SHLD2: variants seen among roughly 807,000 people sequenced by gnomAD.
The protein encoded by SHLD2 is RINN1-REV7-interacting novel NHEJ regulator 2.
A neutral mutation model predicts 73.2 loss-of-function variants in SHLD2; 30 were observed. The observed-to-expected ratio is 0.41, with a 90% CI of 0.31 to 0.56. The LOEUF is 0.56. SHLD2 is among the 20% of genes least tolerant of loss of function. The pLI, the probability that SHLD2 is intolerant of heterozygous loss-of-function variation, is 0.28. For missense variants in SHLD2, 745 were observed against 1,055.9 expected (o/e 0.71, Z 4.08); for synonymous variants, 285 against 370.1 (o/e 0.77, Z 2.64).
At chr10:87,175,854 T>C in intron 6 of SHLD2, 35 bp from the exon 7 acceptor site, 2 of 1,545,034 alleles carry the variant, frequency 1.3e-6, no homozygotes, top group South Asian at 2.4e-5. Flanking sequence ...TTTTTTTCCT[T>C]TTTGGTGACT....
intron 2 of SHLD2, among the ~76,000 whole-genome samples, chr10:87,125,485 T>A (rs961812627): frequency 1.3e-5 from 2 of 152,242 alleles, no homozygotes; most frequent in Non-Finnish European, 2.9e-5. Flanking sequence ...CCTGTAATCC[T>A]AGCACTCTGG....
chr10:87,162,047 C>T (rs1564605932), intron 4 of SHLD2, among the ~76,000 whole-genome samples: 1 of 151,588 alleles, frequency 6.6e-6, no homozygotes, highest in Non-Finnish European at 1.5e-5. Context: ...GGTGCTGAGA[C>T]AACTGGGTAG....
intron 2 of SHLD2, among the ~76,000 whole-genome samples, chr10:87,116,737 T>C (rs1418221787): frequency 6.6e-6 from 1 of 152,082 alleles, no homozygotes; most frequent in Admixed American, 6.6e-5. Context: ...TTCACGGCTG[T>C]GGTATATATA....
At chr10:87,139,662 T>A (rs1290838475) in intron 2 of SHLD2, among the ~76,000 whole-genome samples, 1 of 152,220 alleles carries the variant, frequency 6.6e-6, no homozygotes, top group Non-Finnish European at 1.5e-5. Flanking sequence ...ACCCTGTCTC[T>A]ACTAAAAATA....
intron 3 of SHLD2, among the ~76,000 whole-genome samples, chr10:87,154,832 A>T (rs1014533363): frequency 6.6e-6 from 1 of 152,230 alleles, no homozygotes; most frequent in African/African-American, 2.4e-5. Context: ...TATTTAGAAG[A>T]AGAAAACTTC....
chr10:87,133,863 T>C (rs1343159479), intron 2 of SHLD2, among the ~76,000 whole-genome samples: 1 of 152,264 alleles, frequency 6.6e-6, no homozygotes, highest in African/African-American at 2.4e-5. Context: ...CTTAAACTTA[T>C]AATTTATAAA....
chr10:87,173,583 G>T (rs1847753831), intron 6 of SHLD2, among the ~76,000 whole-genome samples: 1 of 152,204 alleles, frequency 6.6e-6, no homozygotes, highest in Admixed American at 6.5e-5. Flanking sequence ...ATAAATTTCA[G>T]ATACATTAGA....
At chr10:87,160,490 T>C (rs1846725937) in intron 4 of SHLD2, among the ~76,000 whole-genome samples, 1 of 152,230 alleles carries the variant, frequency 6.6e-6, no homozygotes, top group East Asian at 1.9e-4. Flanking sequence ...AAATTTTTTT[T>C]CTTAAATAAA....
chr10:87,128,916 G>GT (rs1340088045), intron 2 of SHLD2, among the ~76,000 whole-genome samples: 1 of 151,726 alleles, frequency 6.6e-6, no homozygotes, highest in Non-Finnish European at 1.5e-5. Context: ...GTTTTTGTTT[G>GT]TTTTTTGAGA....
chr10:87,131,065 TCAAAAA>T (rs142909512), intron 2 of SHLD2, among the ~76,000 whole-genome samples: 1,835 of 152,090 alleles, frequency 0.012, 35 homozygotes, highest in African/African-American at 0.04. Context: ...AGACCCCATC[TCAAAAA>T]CAAAAACAAA....
At chr10:87,172,473 A>G (rs1847654942) in intron 6 of SHLD2, among the ~76,000 whole-genome samples, 1 of 152,138 alleles carries the variant, frequency 6.6e-6, no homozygotes, top group South Asian at 2.1e-4. Context: ...GGGTGAATAC[A>G]TAAAGATATT....
intron 8 of SHLD2, among the ~76,000 whole-genome samples, chr10:87,186,269 C>T (rs1389784614): frequency 6.6e-6 from 1 of 152,208 alleles, no homozygotes; most frequent in Non-Finnish European, 1.5e-5. Flanking sequence ...AGCTCTGTCA[C>T]ATTAAATTCC....
At chr10:87,156,627 G>A (rs1396617896) in intron 3 of SHLD2, among the ~76,000 whole-genome samples, 5 of 152,092 alleles carry the variant, frequency 3.3e-5, no homozygotes, top group Admixed American at 6.6e-5. Context: ...AGGCCAGGGC[G>A]GGCTACCCAT....
intron 2 of SHLD2, among the ~76,000 whole-genome samples, chr10:87,134,889 G>C (rs1844692004): frequency 6.6e-6 from 1 of 152,150 alleles, no homozygotes; most frequent in African/African-American, 2.4e-5. Flanking sequence ...GGCTGGAGAG[G>C]AGGAGCAGGG....
intron 2 of SHLD2, among the ~76,000 whole-genome samples, chr10:87,106,766 G>A (rs1233564923): frequency 1.3e-5 from 2 of 152,176 alleles, no homozygotes; most frequent in African/African-American, 4.8e-5. Context: ...TATCATCAAT[G>A]TAACACATAG....
intron 2 of SHLD2, among the ~76,000 whole-genome samples, chr10:87,112,135 G>A (rs543063191): frequency 1.0e-3 from 159 of 151,464 alleles, no homozygotes; most frequent in Non-Finnish European, 1.9e-3. Context: ...CTACTCGGGA[G>A]GCTGAGGCAG....
chr10:87,139,231 T>C (rs2134211805), intron 2 of SHLD2, among the ~76,000 whole-genome samples: 1 of 151,938 alleles, frequency 6.6e-6, no homozygotes, highest in African/African-American at 2.4e-5. Context: ...AAATTAGCTA[T>C]AGACTAAAGG....
chr10:87,143,233 G>A (rs537718764), intron 2 of SHLD2, among the ~76,000 whole-genome samples: 12 of 152,178 alleles, frequency 7.9e-5, no homozygotes, highest in African/African-American at 2.6e-4. Flanking sequence ...GCCACTATGC[G>A]TGGCCAAATT....
chr10:87,096,410 A>G (rs1245124375), intron 1 of SHLD2, among the ~76,000 whole-genome samples: 1 of 151,974 alleles, frequency 6.6e-6, no homozygotes, highest in Non-Finnish European at 1.5e-5. Flanking sequence ...CATACTTGAT[A>G]GGAAATGCTA....
Sources: gnomAD v4.1 joint callset for allele counts (sites outside exome capture counted in the v4.1 genomes callset) on GRCh38, gnomAD v4.1.1 for gene constraint, MANE v1.5 for transcripts, NCBI Gene and HGNC (gene_info 2026-07-23, HGNC 2026-07-21) for gene names.